Variants in PLA2G4A observed in about 807,000 individuals in gnomAD.
The protein encoded by PLA2G4A is phospholipase A2 group IVA.
A neutral mutation model predicts 81.9 loss-of-function variants in PLA2G4A; 40 were observed. That is an observed-to-expected ratio of 0.49 (90% CI 0.38 to 0.64). The LOEUF (loss-of-function observed/expected upper bound fraction) is 0.64. Ranked by LOEUF, PLA2G4A falls within the 30% of genes least tolerant of loss-of-function variation. The probability of loss-of-function intolerance (pLI) is 0.00; values close to 1 mark genes in which losing one functional copy is unlikely to be tolerated. For missense variants in PLA2G4A, 715 were observed against 905.1 expected (o/e 0.79, Z 2.69); for synonymous variants, 302 against 296.9 (o/e 1.02, Z -0.18).
Position 186,932,777 on chromosome 1 carries a change from C to T in PLA2G4A, c.573C>T (p.Ala191=). 6.2e-7 allele frequency: 1 copy of T among 1,613,510 alleles called. No homozygotes were observed. Among genetic ancestry groups the T allele is most frequent in the Non-Finnish European group, 8.5e-7 (1 of 1,179,602 alleles). The change falls in exon 8 of 18, where the codon GCC becomes GCT. Residue 191 remains alanine, a synonymous_variant. Transcript: ENST00000367466. The part of the protein sequence containing the change: ...LHSARDVPVV[A]ILGSGGGFRA... Reference sequence around the variant, plus strand: ...CATCGTTTCAGGTGCCTGTGGTAGCCATATTGGGTTCAGGTGGGGGTTTCC... The same window carrying T: ...CATCGTTTCAGGTGCCTGTGGTAGCTATATTGGGTTCAGGTGGGGGTTTCC...
intron 15 of PLA2G4A, among the ~76,000 whole-genome samples, chr1:186,976,453 A>G (rs1657533642): frequency 6.6e-6 from 1 of 152,234 alleles, no homozygotes; most frequent in East Asian, 1.9e-4. Context: ...AGCACTTAAT[A>G]TGTAGTAAGC....
At chr1:186,845,127 T>C (rs1652126387) in intron 1 of PLA2G4A, among the ~76,000 whole-genome samples, 1 of 152,100 alleles carries the variant, frequency 6.6e-6, no homozygotes, top group South Asian at 2.1e-4. Context: ...CCAGAATTGC[T>C]TGAACCCAGG....
In PLA2G4A at chr1:186,879,731, C is replaced by T. The variant is rs138292030; in HGVS notation, c.115+9215C>T. Among the ~76,000 whole-genome samples, 1,251 of 151,758 alleles carry T rather than the reference C, an allele frequency of 8.2e-3. 16 individuals carry two copies. Among genetic ancestry groups the T allele is most frequent in the African/African-American group, 0.028 (1,178 of 41,400 alleles). On this transcript the variant is annotated intron_variant, in intron 3 of 17. Transcript: ENST00000367466. The stretch of plus-strand genomic sequence containing the variant: ...AAAATCCTAAGCAAACTTCTTAGGA[C>T]TTTACATTATACATACTTTATGTAT...
In PLA2G4A at chr1:186,962,966, AAT is replaced by A. The variant is rs1657013175; in HGVS notation, c.1580-2441_1580-2440del. On this transcript the variant is annotated intron_variant, in intron 14 of 17. Transcript: ENST00000367466. The stretch of plus-strand genomic sequence containing the variant: ...TCTTGACTCTCACTATCTGTTTGAA[AAT>A]AGACAATTTATTTTACCTCTGTGAG... Among the ~76,000 whole-genome samples the A allele has an allele frequency of 2.0e-5, 3 of 152,186 alleles. No individual in the cohort carries two copies. In the South Asian group the frequency reaches 6.2e-4, roughly 32 times the overall value.
intron 14 of PLA2G4A, among the ~76,000 whole-genome samples, chr1:186,963,405 T>G (rs546361560): frequency 6.6e-6 from 1 of 152,334 alleles, no homozygotes; most frequent in East Asian, 1.9e-4. Context: ...CACTACTGTT[T>G]GTAAATACTT....
chr1:186,847,986 C>T (rs1209677089), intron 1 of PLA2G4A, among the ~76,000 whole-genome samples: 2 of 152,098 alleles, frequency 1.3e-5, no homozygotes, highest in African/African-American at 4.8e-5. Flanking sequence ...TGAGTATTGT[C>T]CATGGACTAA....
chr1:186,848,724 C>T (rs1268223171), intron 1 of PLA2G4A, among the ~76,000 whole-genome samples: 1 of 143,912 alleles, frequency 6.9e-6, no homozygotes, highest in East Asian at 2.0e-4. Flanking sequence ...AGTGATTTTA[C>T]ACACACACAC....
chr1:186,918,431 T>A (rs918370253), intron 7 of PLA2G4A, among the ~76,000 whole-genome samples: 2 of 152,216 alleles, frequency 1.3e-5, no homozygotes, highest in Admixed American at 1.3e-4. Context: ...TCAGTGTAGA[T>A]GTTTACAGTC....
At chr1:186,951,406 T>G (rs1656555743) in intron 13 of PLA2G4A, among the ~76,000 whole-genome samples, 1 of 151,460 alleles carries the variant, frequency 6.6e-6, no homozygotes, top group Non-Finnish European at 1.5e-5. Flanking sequence ...TAGATTATTT[T>G]GACACAGTGT....
chr1:186,940,556 A>G (rs1407005308), intron 10 of PLA2G4A, among the ~76,000 whole-genome samples: 1 of 152,234 alleles, frequency 6.6e-6, no homozygotes, highest in East Asian at 1.9e-4. Context: ...CACATACAAA[A>G]TGGCACAGTG....
intron 3 of PLA2G4A, among the ~76,000 whole-genome samples, chr1:186,878,827 A>G (rs543926363): frequency 6.6e-6 from 1 of 152,010 alleles, no homozygotes; most frequent in South Asian, 2.1e-4. Context: ...ATCAAAAACC[A>G]TATGCCACTT....
At chr1:186,910,591 A>G (rs1221874616) in intron 6 of PLA2G4A, among the ~76,000 whole-genome samples, 1 of 152,164 alleles carries the variant, frequency 6.6e-6, no homozygotes, top group Non-Finnish European at 1.5e-5. Context: ...GCAATGATTC[A>G]TACGTAATAC....
chr1:186,898,581 A>T (rs1436305241), intron 5 of PLA2G4A, among the ~76,000 whole-genome samples: 1 of 152,240 alleles, frequency 6.6e-6, no homozygotes, highest in Non-Finnish European at 1.5e-5. Context: ...AACAGAAAAC[A>T]GTTGGTGGGC....
chr1:186,979,431 C>T lies in PLA2G4A; in HGVS notation c.2077C>T (p.Leu693=). 6.3e-7 allele frequency: 1 copy of T among 1,599,754 alleles called. No individual in the cohort carries two copies. The highest frequency in any genetic ancestry group is 8.6e-7 in the Non-Finnish European group (1 of 1,166,856). The change falls in exon 17 of 18, where the codon CTA becomes TTA. Residue 693 remains leucine, a synonymous_variant. Coordinates refer to ENST00000367466, the MANE Select transcript of PLA2G4A (RefSeq NM_024420.3). The part of the protein sequence containing the change: ...FQYPNQAFKR[L]HDLMHFNTLN... The stretch of plus-strand genomic sequence containing the variant: ...ATATCCAAATCAAGCATTCAAAAGA[C>T]TACATGATCTTATGCACTTCAATAC...
At chr1:186,842,073 C>G (rs1223642398) in intron 1 of PLA2G4A, among the ~76,000 whole-genome samples, 1 of 139,534 alleles carries the variant, frequency 7.2e-6, no homozygotes, top group East Asian at 2.1e-4. Context: ...GATGGAGTCT[C>G]TCTCTGTTGC....
chr1:186,898,555 GA>G (rs1654427536), intron 5 of PLA2G4A, among the ~76,000 whole-genome samples: 1 of 152,140 alleles, frequency 6.6e-6, no homozygotes, highest in African/African-American at 2.4e-5. Context: ...ATACTGTGAA[GA>G]AAATAAAGGT....
At position 186,908,740 on chromosome 1, in the gene PLA2G4A, CA is replaced by C. The variant is rs542992350; in HGVS notation, c.416+1746del. Among the ~76,000 whole-genome samples, 434 of 150,734 alleles carry C rather than the reference CA, an allele frequency of 2.9e-3. 2 individuals are homozygous for C. Among genetic ancestry groups the C allele is most frequent in the African/African-American group, 9.5e-3 (393 of 41,220 alleles). On this transcript the variant is annotated intron_variant, in intron 6 of 17. Transcript: ENST00000367466. ...TATTTATATAAGCACAGATGATTCT[CA>C]AAAAAAAGTGTTCACTGGAAAAAAT...
chr1:186,887,517 C>T (rs963715237), intron 3 of PLA2G4A, among the ~76,000 whole-genome samples: 1 of 152,038 alleles, frequency 6.6e-6, no homozygotes, highest in African/African-American at 2.4e-5. Context: ...ATTCCACACC[C>T]CCGACATTTT....
At chr1:186,939,519 AT>A (rs1656074986) in intron 9 of PLA2G4A, among the ~76,000 whole-genome samples, 2 of 149,328 alleles carry the variant, frequency 1.3e-5, no homozygotes, top group African/African-American at 4.9e-5. Context: ...AAAAATTCAC[AT>A]TTTAACCCTT....
Sources: gnomAD v4.1 joint callset for allele counts (sites outside exome capture counted in the v4.1 genomes callset) on GRCh38, gnomAD v4.1.1 for gene constraint, MANE v1.5 for transcripts, NCBI Gene and HGNC (gene_info 2026-07-23, HGNC 2026-07-21) for gene names.